SYT16: variants seen among roughly 807,000 people sequenced by gnomAD.
The protein encoded by SYT16 is synaptotagmin-16.
SYT16 carries 42 observed loss-of-function variants against 61.4 expected under a neutral mutation model. The ratio of observed to expected loss-of-function variants is 0.68; its 90% CI spans 0.53 to 0.89. SYT16 has a LOEUF of 0.89. Among genes scored for constraint, SYT16 ranks in the 40% least tolerant of loss-of-function variants. The pLI is 0.00. For synonymous variants in SYT16, 314 were observed against 302.3 expected (o/e 1.04, Z -0.40); for missense variants, 804 against 807.3 (o/e 1.00, Z 0.05).
At chr14:62,027,268 G>A (rs1267723180) in intron 3 of SYT16, among the ~76,000 whole-genome samples, 1 of 152,122 alleles carries the variant, frequency 6.6e-6, no homozygotes, top group Non-Finnish European at 1.5e-5. Context: ...ACCATGTTAT[G>A]TCTCTGATAG....
chr14:61,978,691 G>A (rs1200301403), intron 2 of SYT16, among the ~76,000 whole-genome samples: 1 of 152,040 alleles, frequency 6.6e-6, no homozygotes, highest in African/African-American at 2.4e-5. Flanking sequence ...TGCTTGACCA[G>A]AGTGTTAACA....
intron 3 of SYT16, among the ~76,000 whole-genome samples, chr14:62,017,464 G>A (rs994887804): frequency 1.3e-5 from 2 of 152,130 alleles, no homozygotes; most frequent in African/African-American, 4.8e-5. Context: ...AAATTAGTGT[G>A]TCCAAATCTG....
At position 62,079,476 on chromosome 14, in the gene SYT16, T is replaced by G. The variant is rs1181683245; in HGVS notation, c.994-1358T>G. ...GAGGAAAATAGAACATGGAAAGGAT[T>G]AAATGACTTGCCCAGTGTCATAGAG... On this transcript the variant is annotated intron_variant, in intron 5 of 7. Coordinates refer to ENST00000683842, the MANE Select transcript of SYT16 (RefSeq NM_001367656.1). The G allele has an allele frequency of 5.6e-6, 3 of 534,476 alleles. No individual in the cohort carries two copies. The East Asian group carries it at 2.3e-4, about 42-fold the overall frequency. The allele number at this position is 534,476 out of a possible 1,614,324, so 33.1% of individuals were successfully genotyped here.
At chr14:61,824,500 C>T (rs2045713337) in intron 1 of SYT16, among the ~76,000 whole-genome samples, 1 of 152,056 alleles carries the variant, frequency 6.6e-6, no homozygotes, top group Non-Finnish European at 1.5e-5. Flanking sequence ...CTACAGGCAC[C>T]TGCCACCACG....
chr14:61,928,375 T>C (rs776185854), intron 1 of SYT16, among the ~76,000 whole-genome samples: 1 of 152,208 alleles, frequency 6.6e-6, no homozygotes, highest in Non-Finnish European at 1.5e-5. Flanking sequence ...AAAAAGGACA[T>C]AACTGAAATT....
At chr14:62,080,541 A>C (rs1566828927) in intron 5 of SYT16, among the ~76,000 whole-genome samples, 1 of 152,208 alleles carries the variant, frequency 6.6e-6, no homozygotes, top group Non-Finnish European at 1.5e-5. Context: ...ATCCTGGGCA[A>C]TTGTGCTTTT....
chr14:61,865,111 T>C (rs2047103910), intron 1 of SYT16: 2 of 1,338,534 alleles, frequency 1.5e-6, no homozygotes, highest in East Asian at 4.6e-5. Context: ...TGCTGGACTA[T>C]GAAGCCTTCT....
In SYT16 at chr14:62,106,964, T is replaced by A. The variant is rs1726716797; in HGVS notation, c.*6257T>A. 6.6e-6 allele frequency: 1 copy of A among 152,088 alleles called. No individual in the cohort carries two copies. The highest frequency in any genetic ancestry group is 2.4e-5 in the African/African-American group (1 of 41,416). 9.4% of individuals were successfully genotyped at this position (152,088 alleles called of 1,614,324 possible). ...CTGCCTTAAGGTTTCTTCATGGGAATTTTTACTTCATGCCTTTGAGTGACA... is the reference window on the plus strand; with the variant it reads ...CTGCCTTAAGGTTTCTTCATGGGAAATTTTACTTCATGCCTTTGAGTGACA... On this transcript the variant is annotated 3_prime_UTR_variant, in exon 8 of 8. Coordinates refer to ENST00000683842, the MANE Select transcript of SYT16 (RefSeq NM_001367656.1).
intron 5 of SYT16, chr14:62,079,488 C>T: frequency 2.3e-6 from 1 of 439,716 alleles, no homozygotes; most frequent in Non-Finnish European, 3.5e-6. Context: ...AATGACTTGC[C>T]CAGTGTCATA....
intron 3 of SYT16, among the ~76,000 whole-genome samples, chr14:62,038,535 G>A (rs1357373005): frequency 1.3e-5 from 2 of 152,092 alleles, no homozygotes; most frequent in Non-Finnish European, 2.9e-5. Context: ...AATCAACAGT[G>A]GCACATATTC....
chr14:62,086,405 A>G (rs2056887709), intron 7 of SYT16, among the ~76,000 whole-genome samples: 1 of 152,086 alleles, frequency 6.6e-6, no homozygotes, highest in East Asian at 1.9e-4. Context: ...GCTTGAACCG[A>G]GGAGGTGGAG....
At chr14:61,912,604 CT>C (rs1399092935) in intron 1 of SYT16, among the ~76,000 whole-genome samples, 1 of 152,150 alleles carries the variant, frequency 6.6e-6, no homozygotes, top group African/African-American at 2.4e-5. Context: ...GTGTTGAGTG[CT>C]CTACGAGGAG....
rs1344316647 is a variant in SYT16, at chr14:61,996,178, A to G, written c.159A>G (p.Leu53=). The change falls in exon 3 of 8, where the codon CTA becomes CTG. Residue 53 remains leucine, a synonymous_variant. Coordinates refer to ENST00000683842, the MANE Select transcript of SYT16 (RefSeq NM_001367656.1). The part of the protein sequence containing the change: ...SKQDSKLSDK[L]DQDLDNIQIQ... ...AAGACTCTAAATTGAGTGACAAACT[A>G]GATCAGGACTTAGATAATATTCAGA... 4.3e-6 allele frequency: 7 copies of G among 1,613,404 alleles called. No individual in the cohort carries two copies. Among genetic ancestry groups the G allele is most frequent in the Non-Finnish European group, 5.9e-6 (7 of 1,179,596 alleles).
chr14:61,911,041 T>G (rs995568854), intron 1 of SYT16, among the ~76,000 whole-genome samples: 1 of 152,248 alleles, frequency 6.6e-6, no homozygotes, highest in Non-Finnish European at 1.5e-5. Flanking sequence ...GATCTTGCTA[T>G]TGAACAATTT....
chr14:61,981,996 C>G (rs1489823759), intron 2 of SYT16, among the ~76,000 whole-genome samples: 1 of 152,156 alleles, frequency 6.6e-6, no homozygotes, highest in Non-Finnish European at 1.5e-5. Context: ...ACATACATCA[C>G]TATTTCAAAA....
At chr14:61,980,682 CTACTCTCTTAGAAATTACATGCTTT>C (rs1316121796) in intron 2 of SYT16, among the ~76,000 whole-genome samples, 1 of 152,064 alleles carries the variant, frequency 6.6e-6, no homozygotes, top group East Asian at 1.9e-4. Flanking sequence ...GTTGTAGTCC[CTACTCTCTTAGAAATTACATGCTTT>C]TGGTGAAGAC....
chr14:61,852,716 G>A (rs2046653168), intron 1 of SYT16, among the ~76,000 whole-genome samples: 1 of 152,100 alleles, frequency 6.6e-6, no homozygotes, highest in South Asian at 2.1e-4. Flanking sequence ...TTGGCTCTCT[G>A]CTTGCCTGTT....
chr14:62,096,999 C>T (rs1456710098), intron 7 of SYT16, among the ~76,000 whole-genome samples: 3 of 152,152 alleles, frequency 2.0e-5, no homozygotes, highest in South Asian at 4.2e-4. Flanking sequence ...ATTCATAGTT[C>T]CTCTGACCCC....
At position 62,106,350 on chromosome 14, in the gene SYT16, T is replaced by C. The variant is rs917176600; in HGVS notation, c.*5643T>C. 3 of 152,170 alleles carry C rather than the reference T, an allele frequency of 2.0e-5. No homozygotes were observed. The highest frequency in any genetic ancestry group is 7.2e-5 in the African/African-American group (3 of 41,420). The allele number at this position is 152,170 out of a possible 1,614,324, so 9.4% of individuals were successfully genotyped here. Reference sequence around the variant, plus strand: ...AAGGTGAAACATTGGCTGAATTTATTGGGGCAAGTGTCTAGGAAGCCTTGG... The same window carrying C: ...AAGGTGAAACATTGGCTGAATTTATCGGGGCAAGTGTCTAGGAAGCCTTGG... On this transcript the variant is annotated 3_prime_UTR_variant, in exon 8 of 8. Transcript: ENST00000683842.
Sources: gnomAD v4.1 joint callset for allele counts (sites outside exome capture counted in the v4.1 genomes callset) on GRCh38, gnomAD v4.1.1 for gene constraint, MANE v1.5 for transcripts, NCBI Gene and HGNC (gene_info 2026-07-23, HGNC 2026-07-21) for gene names.